Variants in CARNMT1 observed in about 807,000 individuals in gnomAD.
CARNMT1 encodes the protein carnosine N-methyltransferase 1.
CARNMT1 carries 28 observed loss-of-function variants against 49.6 expected under a neutral mutation model. The observed-to-expected ratio is 0.56, with a 90% CI of 0.42 to 0.77. The LOEUF is 0.77. Among genes scored for constraint, CARNMT1 ranks in the 30% least tolerant of loss-of-function variants. The probability of loss-of-function intolerance (pLI) is 0.00; values close to 1 mark genes in which losing one functional copy is unlikely to be tolerated. For missense variants in CARNMT1, 421 were observed against 512.6 expected, an observed-to-expected ratio of 0.82 and a Z score of 1.73; for synonymous variants, 178 against 175.0, an observed-to-expected ratio of 1.02 and a Z score of -0.13.
chr9:74,992,877 T>C (rs559489417), intron 6 of CARNMT1, among the ~76,000 whole-genome samples: 1 of 152,322 alleles, frequency 6.6e-6, no homozygotes, highest in South Asian at 2.1e-4. Context: ...TAAGCAGGGT[T>C]AGGGTAAAAT....
intron 1 of CARNMT1, among the ~76,000 whole-genome samples, chr9:75,023,359 T>C (rs1038582681): frequency 5.3e-5 from 8 of 152,166 alleles, no homozygotes; most frequent in African/African-American, 1.9e-4. Flanking sequence ...AAGCAATAAA[T>C]GTTCAGTTAT....
At chr9:75,027,588 G>C (rs960489378) in intron 1 of CARNMT1, 5 of 432,984 alleles carry the variant, frequency 1.2e-5, no homozygotes, top group Non-Finnish European at 1.5e-5. Flanking sequence ...CCACGCGTAG[G>C]TGAACTTGGG....
chr9:75,006,846 G>A (rs1433296931), intron 3 of CARNMT1, among the ~76,000 whole-genome samples: 2 of 152,000 alleles, frequency 1.3e-5, no homozygotes, highest in South Asian at 2.1e-4. Flanking sequence ...TAATAACAAC[G>A]GAAAAGGAAC....
intron 1 of CARNMT1, among the ~76,000 whole-genome samples, chr9:75,023,312 T>G (rs1822432474): frequency 6.6e-6 from 1 of 152,194 alleles, no homozygotes; most frequent in Non-Finnish European, 1.5e-5. Context: ...GTCATCTTGG[T>G]CATTATTCAA....
intron 3 of CARNMT1, chr9:75,015,784 A>AC (rs1833828717): frequency 1.0e-5 from 1 of 99,218 alleles, no homozygotes; most frequent in Non-Finnish European, 2.7e-5. Flanking sequence ...AGACTGTCTC[A>AC]AAAAAATAAA....
At chr9:75,017,126 G>A in intron 2 of CARNMT1, 127 bp downstream of exon 2, 1 of 691,418 alleles carries the variant, frequency 1.4e-6, no homozygotes, top group African/African-American at 1.8e-5. Flanking sequence ...GAACATTTAA[G>A]TTAAAACTTT....
intron 6 of CARNMT1, among the ~76,000 whole-genome samples, chr9:74,995,412 G>T (rs76641483): frequency 6.6e-6 from 1 of 152,104 alleles, no homozygotes; most frequent in African/African-American, 2.4e-5. Flanking sequence ...TACCCAGTAG[G>T]TAATATCTTT....
intron 6 of CARNMT1, among the ~76,000 whole-genome samples, chr9:74,994,601 G>C (rs1288896567): frequency 6.6e-6 from 1 of 152,162 alleles, no homozygotes; most frequent in Non-Finnish European, 1.5e-5. Flanking sequence ...AGTAGGAAAA[G>C]CCATGAGATT....
At chr9:75,021,799 G>A (rs75049337) in intron 1 of CARNMT1, among the ~76,000 whole-genome samples, 8,350 of 152,082 alleles carry the variant, frequency 0.055, 438 homozygotes, top group East Asian at 0.26. Context: ...TGAGCCAGGC[G>A]TGGTGGTGCA....
At chr9:75,008,162 A>T in intron 3 of CARNMT1, among the ~76,000 whole-genome samples, 1 of 109,918 alleles carries the variant, frequency 9.1e-6, no homozygotes, top group Non-Finnish European at 1.8e-5. Context: ...AAAACAGCTG[A>T]TGAGCTAAAA....
intron 1 of CARNMT1, among the ~76,000 whole-genome samples, chr9:75,022,687 T>C (rs1163427503): frequency 3.3e-5 from 5 of 152,182 alleles, no homozygotes; most frequent in East Asian, 3.8e-4. Context: ...CAGAGCTTTC[T>C]TCCTAGTGTT....
intron 1 of CARNMT1, 62 bp from the exon 2 acceptor site, chr9:75,017,510 T>C: frequency 7.3e-7 from 1 of 1,363,934 alleles, no homozygotes; most frequent in Non-Finnish European, 1.0e-6. Context: ...CCAATCTTAC[T>C]TTAAGGTTGT....
rs1051594503 is a variant in CARNMT1, at chr9:74,998,177, T to G, written c.910+421A>C. 2.0e-5 allele frequency among the ~76,000 whole-genome samples: 3 copies of G among 152,302 alleles called. No individual in the cohort carries two copies. In the South Asian group the frequency reaches 6.2e-4, roughly 32 times the overall value. ...TAAATCTCCCATTAAATCTTTTCTTTCCCTGCCAGTACAGCTGTGCTGCCA... is the reference window on the plus strand; with the variant it reads ...TAAATCTCCCATTAAATCTTTTCTTGCCCTGCCAGTACAGCTGTGCTGCCA... On this transcript the variant is annotated intron_variant, in intron 5 of 7. Coordinates refer to ENST00000376834, the MANE Select transcript of CARNMT1 (RefSeq NM_152420.3).
chr9:74,987,786 C>T (rs1488938987), intron 6 of CARNMT1, among the ~76,000 whole-genome samples: 1 of 150,828 alleles, frequency 6.6e-6, no homozygotes, highest in Non-Finnish European at 1.5e-5. Flanking sequence ...ATTATATCTC[C>T]AAAAAAATCC....
intron 2 of CARNMT1, 50 bp from the exon 3 acceptor site, chr9:75,016,481 T>C (rs776812081): frequency 9.5e-6 from 15 of 1,575,284 alleles, no homozygotes; most frequent in Admixed American, 1.7e-5. Context: ...AATCCACTTA[T>C]ATTATGGTTA....
At chr9:75,021,247 TAG>T (rs1491445103) in intron 1 of CARNMT1, among the ~76,000 whole-genome samples, 1 of 143,770 alleles carries the variant, frequency 7.0e-6, no homozygotes, top group Non-Finnish European at 1.5e-5. Context: ...TATATATACA[TAG>T]TATATACATA....
intron 3 of CARNMT1, among the ~76,000 whole-genome samples, chr9:75,001,673 T>C (rs928893838): frequency 6.6e-6 from 1 of 152,230 alleles, no homozygotes; most frequent in Non-Finnish European, 1.5e-5. Context: ...AATTTTTCCC[T>C]AAATCTTTGT....
intron 1 of CARNMT1, 106 bp from the exon 2 acceptor site, chr9:75,017,554 T>C (rs979630140): frequency 1.4e-5 from 12 of 881,002 alleles, no homozygotes; most frequent in Middle Eastern, 2.3e-4. Flanking sequence ...TTATGCTGGA[T>C]ACTGTCCTAT....
At chr9:75,003,055 T>C (rs1833407772) in intron 3 of CARNMT1, among the ~76,000 whole-genome samples, 6 of 152,152 alleles carry the variant, frequency 3.9e-5, no homozygotes, top group Admixed American at 3.9e-4. Flanking sequence ...TTTTTATTCA[T>C]CATAGAAAAT....
Sources: gnomAD v4.1 joint callset for allele counts (sites outside exome capture counted in the v4.1 genomes callset) on GRCh38, gnomAD v4.1.1 for gene constraint, MANE v1.5 for transcripts, NCBI Gene and HGNC (gene_info 2026-07-23, HGNC 2026-07-21) for gene names.